The following EYS variants were observed in gnomAD, a reference collection of about 807,000 sequenced individuals.
The protein encoded by EYS is EGF-like photoreceptor maintenance factor.
In EYS, 250 loss-of-function variants were observed where a neutral mutation model predicts 282.1. That is an observed-to-expected ratio of 0.89 (90% CI 0.80 to 0.98). The LOEUF (loss-of-function observed/expected upper bound fraction) is 0.98, where lower values mean the gene tolerates loss of function less well. EYS is among the 50% of genes least tolerant of loss of function. EYS has a pLI of 0.00. For missense variants in EYS, 4,016 were observed against 3,709.0 expected, an observed-to-expected ratio of 1.08 and a Z score of -2.15; for synonymous variants, 1,355 against 1,282.9, an observed-to-expected ratio of 1.06 and a Z score of -1.20.
intron 5 of EYS, among the ~76,000 whole-genome samples, chr6:65,460,479 T>C (rs1224401927): frequency 6.6e-6 from 1 of 152,058 alleles, no homozygotes. Flanking sequence ...TGTGAAACTC[T>C]TTAGCTCATC....
chr6:64,919,493 A>G (rs1768271751), intron 15 of EYS, among the ~76,000 whole-genome samples: 1 of 147,298 alleles, frequency 6.8e-6, no homozygotes, highest in African/African-American at 2.5e-5. Flanking sequence ...CTGTTTTAAT[A>G]TTAATAGAAA....
At chr6:64,373,886 T>G (rs1772475233) in intron 29 of EYS, among the ~76,000 whole-genome samples, 1 of 151,970 alleles carries the variant, frequency 6.6e-6, no homozygotes, top group South Asian at 2.1e-4. Context: ...ATAGAAGCCG[T>G]GCTCTCCAGC....
At chr6:65,540,096 T>C (rs1768107531) in intron 2 of EYS, among the ~76,000 whole-genome samples, 1 of 152,196 alleles carries the variant, frequency 6.6e-6, no homozygotes, top group South Asian at 2.1e-4. Flanking sequence ...GGGAATCTTA[T>C]TTTAGTTTTT....
chr6:65,483,510 T>C (rs1213841854), intron 5 of EYS, among the ~76,000 whole-genome samples: 2 of 152,100 alleles, frequency 1.3e-5, no homozygotes, highest in African/African-American at 4.8e-5. Context: ...TTTTCTATGG[T>C]TTTACTATGG....
chr6:64,562,556 G>T (rs1051200144), intron 26 of EYS, among the ~76,000 whole-genome samples: 2 of 151,752 alleles, frequency 1.3e-5, no homozygotes, highest in Admixed American at 6.6e-5. Flanking sequence ...GAATTATCCT[G>T]TATCTGGCTT....
chr6:64,550,424 C>T (rs1414043356), intron 26 of EYS, among the ~76,000 whole-genome samples: 1 of 152,074 alleles, frequency 6.6e-6, no homozygotes, highest in Non-Finnish European at 1.5e-5. Context: ...TTAATGATCG[C>T]CATTCTAACT....
At chr6:65,690,062 G>A (rs951923366) in intron 1 of EYS, among the ~76,000 whole-genome samples, 2 of 149,950 alleles carry the variant, frequency 1.3e-5, no homozygotes, top group Non-Finnish European at 3.0e-5. Flanking sequence ...GGTCACATGG[G>A]GATGAAGTAA....
chr6:64,629,132 T>C (rs1001753102), intron 22 of EYS, among the ~76,000 whole-genome samples: 3 of 152,226 alleles, frequency 2.0e-5, no homozygotes, highest in African/African-American at 4.8e-5. Context: ...TTCCTTGTTT[T>C]TGATGACTTC....
chr6:64,776,935 G>A (rs952591748), intron 22 of EYS, among the ~76,000 whole-genome samples: 1 of 152,140 alleles, frequency 6.6e-6, no homozygotes, highest in African/African-American at 2.4e-5. Flanking sequence ...AATTTATAAA[G>A]GAAAGAGGTC....
chr6:65,114,243 GAA>G (rs1378788444), intron 12 of EYS, among the ~76,000 whole-genome samples: 1 of 150,978 alleles, frequency 6.6e-6, no homozygotes, highest in Non-Finnish European at 1.5e-5. Flanking sequence ...AAAATACAAA[GAA>G]ATGCCAAATA....
chr6:65,038,614 G>A lies in EYS; in HGVS notation c.2137+19000C>T, dbSNP rs1009690541. Among the ~76,000 whole-genome samples the A allele has an allele frequency of 6.6e-5, 10 of 151,440 alleles. No homozygotes were observed. The South Asian group carries it at 1.2e-3, about 19-fold the overall frequency. On this transcript the variant is annotated intron_variant, in intron 13 of 42. Transcript: ENST00000503581. Reference sequence around the variant, plus strand: ...ATATAAATTGTTATTCTTAGCATAGGTGTATGTTTAATTTTAAATATAATC... The same window carrying A: ...ATATAAATTGTTATTCTTAGCATAGATGTATGTTTAATTTTAAATATAATC...
chr6:64,421,344 G>T (rs1322682716), intron 28 of EYS, among the ~76,000 whole-genome samples: 1 of 152,020 alleles, frequency 6.6e-6, no homozygotes, highest in East Asian at 1.9e-4. Flanking sequence ...ACCTCCTACT[G>T]GCTCCCTCCC....
intron 19 of EYS, among the ~76,000 whole-genome samples, chr6:64,883,398 G>T (rs905598336): frequency 6.6e-6 from 1 of 151,390 alleles, no homozygotes; most frequent in South Asian, 2.1e-4. Flanking sequence ...TTATTTCTGA[G>T]ATAGGACTTA....
intron 14 of EYS, among the ~76,000 whole-genome samples, chr6:64,958,937 G>T (rs923403470): frequency 3.3e-5 from 5 of 151,946 alleles, no homozygotes; most frequent in Non-Finnish European, 7.4e-5. Context: ...CATATCCCAG[G>T]ACCTTAACAA....
intron 16 of EYS, among the ~76,000 whole-genome samples, chr6:64,907,728 T>A (rs1313672419): frequency 2.0e-5 from 3 of 151,620 alleles, no homozygotes; most frequent in Non-Finnish European, 4.4e-5. Flanking sequence ...AAAGAAGGGG[T>A]CTGAATGCCA....
intron 26 of EYS, among the ~76,000 whole-genome samples, chr6:64,477,485 C>T (rs1265915484): frequency 6.6e-6 from 1 of 152,118 alleles, no homozygotes; most frequent in African/African-American, 2.4e-5. Flanking sequence ...CCCTCTGCCT[C>T]ATCCTGTCTG....
At chr6:64,408,191 A>G (rs1019738340) in intron 28 of EYS, among the ~76,000 whole-genome samples, 1 of 149,542 alleles carries the variant, frequency 6.7e-6, no homozygotes, top group African/African-American at 2.5e-5. Context: ...ATAAATAAAT[A>G]ATAATAAATA....
chr6:63,803,918 T>C (rs1425071468), intron 37 of EYS, among the ~76,000 whole-genome samples: 2 of 152,118 alleles, frequency 1.3e-5, no homozygotes, highest in Non-Finnish European at 2.9e-5. Context: ...GAGAATAACT[T>C]GGATGGGGTG....
chr6:64,943,823 A>ATTTT (rs970595324), intron 15 of EYS, among the ~76,000 whole-genome samples: 1 of 152,094 alleles, frequency 6.6e-6, no homozygotes, highest in African/African-American at 2.4e-5. Flanking sequence ...TACGAATGTC[A>ATTTT]TTTTTCACAG....
Sources: allele counts gnomAD v4.1 joint callset (sites outside exome capture counted in the v4.1 genomes callset), GRCh38; gene constraint gnomAD v4.1.1; transcripts MANE v1.5; gene names NCBI Gene and HGNC (gene_info 2026-07-23, HGNC 2026-07-21).